Variants in GABPB1 observed in about 807,000 individuals in gnomAD.
The protein encoded by GABPB1 is GA binding protein transcription factor subunit beta 1, also known as GA-binding protein subunit beta-1.
GABPB1 carries 15 observed loss-of-function variants against 45.9 expected under a neutral mutation model. That is an observed-to-expected ratio of 0.33 (90% CI 0.22 to 0.50). The LOEUF (loss-of-function observed/expected upper bound fraction) is 0.50. Among genes scored for constraint, GABPB1 ranks in the 20% least tolerant of loss-of-function variants. The pLI is 0.98. For missense variants in GABPB1, 252 were observed against 457.5 expected, an observed-to-expected ratio of 0.55 and a Z score of 4.10; for synonymous variants, 143 against 154.4, an observed-to-expected ratio of 0.93 and a Z score of 0.55.
At chr15:50,346,494 T>A (rs1162472468) in intron 1 of GABPB1, 1 of 152,062 alleles carries the variant, frequency 6.6e-6, no homozygotes, top group African/African-American at 2.4e-5. Flanking sequence ...GCAGACTGTA[T>A]CTAGTGCATA....
chr15:50,312,874 T>C (rs2047179735), intron 1 of GABPB1, among the ~76,000 whole-genome samples: 1 of 151,724 alleles, frequency 6.6e-6, no homozygotes, highest in Non-Finnish European at 1.5e-5. Flanking sequence ...CTTTTTTTTA[T>C]TGATTTGTAA....
At chr15:50,326,845 AAAG>A (rs1190904275) in intron 1 of GABPB1, among the ~76,000 whole-genome samples, 4 of 152,064 alleles carry the variant, frequency 2.6e-5, no homozygotes, top group Non-Finnish European at 4.4e-5. Flanking sequence ...TAAAAAAAAA[AAAG>A]AAAGAAAGAA....
At chr15:50,340,665 T>G (rs1275878997) in intron 1 of GABPB1, among the ~76,000 whole-genome samples, 1 of 152,054 alleles carries the variant, frequency 6.6e-6, no homozygotes, top group Non-Finnish European at 1.5e-5. Context: ...CTCATTTTTT[T>G]ATACAGCTGC....
intron 1 of GABPB1, among the ~76,000 whole-genome samples, chr15:50,336,353 C>CTAA (rs1567540149): frequency 7.7e-4 from 89 of 115,550 alleles, no homozygotes; most frequent in Admixed American, 8.7e-4. Context: ...GACTCTGTCC[C>CTAA]AAAAAAAAAA....
intron 1 of GABPB1, among the ~76,000 whole-genome samples, chr15:50,312,896 T>C (rs2047181196): frequency 1.3e-5 from 2 of 152,174 alleles, no homozygotes; most frequent in South Asian, 4.1e-4. Context: ...CGTTCTGACA[T>C]ATGTTCTGGA....
At chr15:50,287,781 T>A (rs2046216212) in intron 7 of GABPB1, among the ~76,000 whole-genome samples, 1 of 152,246 alleles carries the variant, frequency 6.6e-6, no homozygotes, top group South Asian at 2.1e-4. Flanking sequence ...TAATGCTTTG[T>A]GAAAGCATCT....
At chr15:50,353,568 TTTG>T (rs1262063768) in intron 1 of GABPB1, 1 of 149,298 alleles carries the variant, frequency 6.7e-6, no homozygotes, top group Non-Finnish European at 1.5e-5. Flanking sequence ...GGATTTATTT[TTTG>T]TTTTTGGAAA....
At chr15:50,283,624 C>G (rs1189852273) in intron 8 of GABPB1, among the ~76,000 whole-genome samples, 1 of 152,106 alleles carries the variant, frequency 6.6e-6, no homozygotes, top group Non-Finnish European at 1.5e-5. Flanking sequence ...AACTCTCCTG[C>G]CTCAACCTCC....
chr15:50,307,169 C>G (rs1595773133), intron 2 of GABPB1, among the ~76,000 whole-genome samples: 1 of 152,172 alleles, frequency 6.6e-6, no homozygotes, highest in South Asian at 2.1e-4. Flanking sequence ...TATACCAATT[C>G]CATACTTCCA....
At chr15:50,285,954 C>T (rs544716841) in intron 8 of GABPB1, 114 bp downstream of exon 8, 105 of 1,460,218 alleles carry the variant, frequency 7.2e-5, no homozygotes, top group African/African-American at 8.7e-5. Flanking sequence ...GAAAATACTA[C>T]GCACTTTCAT....
intron 3 of GABPB1, 103 bp downstream of exon 3, chr15:50,303,863 A>G (rs1380162527): frequency 1.2e-6 from 1 of 834,092 alleles, no homozygotes; most frequent in Non-Finnish European, 1.8e-6. Flanking sequence ...ATGAAATACT[A>G]TAGATAAAAT....
intron 1 of GABPB1, among the ~76,000 whole-genome samples, chr15:50,310,908 C>T (rs1246570961): frequency 4.0e-5 from 6 of 148,552 alleles, no homozygotes; most frequent in Admixed American, 6.8e-5. Flanking sequence ...ACCCAGGAGG[C>T]GGAGGTTGCA....
chr15:50,298,224 T>C (rs1480590593), intron 6 of GABPB1, among the ~76,000 whole-genome samples: 1 of 152,172 alleles, frequency 6.6e-6, no homozygotes, highest in Non-Finnish European at 1.5e-5. Flanking sequence ...CCCAAGTAGC[T>C]GTGAACACAG....
intron 1 of GABPB1, chr15:50,350,324 G>A (rs2048772723): frequency 6.8e-6 from 1 of 147,872 alleles, no homozygotes; most frequent in Non-Finnish European, 1.5e-5. Context: ...GGGGCTTAAA[G>A]GCATTAATAC....
At chr15:50,310,936 C>G (rs891658825) in intron 1 of GABPB1, among the ~76,000 whole-genome samples, 1 of 150,466 alleles carries the variant, frequency 6.6e-6, no homozygotes, top group African/African-American at 2.4e-5. Context: ...GAGATCATGC[C>G]ACTGCACTCT....
In GABPB1 at chr15:50,346,878, C is replaced by G. The variant is rs192421224; in HGVS notation, c.-1+8107G>C. 8.6e-4 allele frequency among the ~76,000 whole-genome samples: 131 copies of G among 151,780 alleles called. 1 individual carries two copies. The highest frequency in any genetic ancestry group is 3.1e-3 in the African/African-American group (127 of 41,354). The stretch of plus-strand genomic sequence containing the variant: ...TCTCGGCTCACTGCAACCTCCGCCC[C>G]CCCCAGGTTCAAGCGATTCTCCTGC... On this transcript the variant is annotated intron_variant, in intron 1 of 8. Coordinates refer to ENST00000380877, the MANE Select transcript of GABPB1 (RefSeq NM_016654.5).
intron 1 of GABPB1, among the ~76,000 whole-genome samples, chr15:50,312,235 AT>A (rs1166861205): frequency 5.9e-5 from 9 of 152,270 alleles, no homozygotes; most frequent in Admixed American, 2.6e-4. Flanking sequence ...AAAAAAAAAA[AT>A]AATCTATATT....
At chr15:50,320,645 G>T (rs942820378) in intron 1 of GABPB1, among the ~76,000 whole-genome samples, 1 of 152,192 alleles carries the variant, frequency 6.6e-6, no homozygotes, top group African/African-American at 2.4e-5. Context: ...CTGCAGAAAT[G>T]ATTAAATTAA....
chr15:50,303,714 G>A (rs1301201719), intron 3 of GABPB1, among the ~76,000 whole-genome samples: 1 of 150,662 alleles, frequency 6.6e-6, no homozygotes, highest in African/African-American at 2.4e-5. Flanking sequence ...AAATGCTGTA[G>A]TCCCTCATCA....
Sources: gnomAD v4.1 joint callset for allele counts (sites outside exome capture counted in the v4.1 genomes callset) on GRCh38, gnomAD v4.1.1 for gene constraint, MANE v1.5 for transcripts, NCBI Gene and HGNC (gene_info 2026-07-23, HGNC 2026-07-21) for gene names.